The following SORCS2 variants were observed in gnomAD, a reference collection of about 807,000 sequenced individuals.
SORCS2 encodes the protein VPS10 domain-containing receptor SorCS2.
In SORCS2, 100 loss-of-function variants were observed where a neutral mutation model predicts 141.6. That is an observed-to-expected ratio of 0.71 (90% CI 0.60 to 0.83). SORCS2 has a LOEUF of 0.83. Ranked by LOEUF, SORCS2 falls within the 40% of genes least tolerant of loss-of-function variation. The pLI, the probability that SORCS2 is intolerant of heterozygous loss-of-function variation, is 0.00. For missense variants in SORCS2, 1,646 were observed against 1,560.2 expected (o/e 1.05, Z -0.93); for synonymous variants, 789 against 676.9 (o/e 1.17, Z -2.57).
chr4:7,374,525 G>A (rs941959873), intron 1 of SORCS2, among the ~76,000 whole-genome samples: 6 of 152,276 alleles, frequency 3.9e-5, no homozygotes, highest in Admixed American at 6.5e-5. Flanking sequence ...TTGCTTTTCC[G>A]GGTGCAGTGG....
intron 11 of SORCS2, among the ~76,000 whole-genome samples, chr4:7,695,940 G>GTGGGTGGA (rs1724679984): frequency 5.6e-5 from 5 of 88,524 alleles, no homozygotes; most frequent in Admixed American, 1.1e-4. Flanking sequence ...GGGTGGGTGG[G>GTGGGTGGA]TGGATGGATG....
intron 2 of SORCS2, among the ~76,000 whole-genome samples, chr4:7,517,001 G>A (rs6851139): frequency 0.014 from 2,101 of 152,266 alleles, 56 homozygotes; most frequent in African/African-American, 0.048. Flanking sequence ...CCTCCGGCTG[G>A]GTGTTGAAGG....
intron 7 of SORCS2, among the ~76,000 whole-genome samples, chr4:7,665,516 A>G (rs547413673): frequency 4.6e-5 from 7 of 152,060 alleles, no homozygotes; most frequent in East Asian, 1.9e-4. Flanking sequence ...CAAAGACTCA[A>G]TCATGCACTT....
At chr4:7,483,240 G>A (rs7667521) in intron 2 of SORCS2, among the ~76,000 whole-genome samples, 18,409 of 150,334 alleles carry the variant, frequency 0.12, 1,568 homozygotes, top group African/African-American at 0.25. Context: ...GGAGGATGGC[G>A]TGAACCCGGG....
At chr4:7,434,917 G>T (rs1344116698) in intron 2 of SORCS2, 5 of 1,493,844 alleles carry the variant, frequency 3.3e-6, no homozygotes, top group Non-Finnish European at 4.5e-6. Flanking sequence ...GTACCCAGCA[G>T]TGGCTGCTGC....
chr4:7,456,705 C>T (rs1307198506), intron 2 of SORCS2, among the ~76,000 whole-genome samples: 1 of 152,190 alleles, frequency 6.6e-6, no homozygotes, highest in Non-Finnish European at 1.5e-5. Context: ...GAGATCTGAA[C>T]AGAGGGAACT....
intron 3 of SORCS2, among the ~76,000 whole-genome samples, chr4:7,571,672 G>A (rs1047320277): frequency 6.6e-6 from 1 of 152,040 alleles, no homozygotes; most frequent in African/African-American, 2.4e-5. Flanking sequence ...GAGAGGGAGG[G>A]AGCCCGAAGA....
chr4:7,429,276 T>C (rs1726665555), intron 2 of SORCS2, among the ~76,000 whole-genome samples: 1 of 152,126 alleles, frequency 6.6e-6, no homozygotes, highest in Non-Finnish European at 1.5e-5. Context: ...CCACCCCAGC[T>C]CCCCGGAGAT....
At chr4:7,523,503 A>G (rs1577694040) in intron 2 of SORCS2, among the ~76,000 whole-genome samples, 1 of 152,040 alleles carries the variant, frequency 6.6e-6, no homozygotes, top group East Asian at 1.9e-4. Context: ...AGGAGGGGGT[A>G]GTACTGGGTT....
intron 2 of SORCS2, among the ~76,000 whole-genome samples, chr4:7,483,375 G>C (rs1440658867): frequency 6.6e-6 from 1 of 151,546 alleles, no homozygotes; most frequent in Non-Finnish European, 1.5e-5. Context: ...CGGATGAAGT[G>C]GGCAGAGAGT....
intron 1 of SORCS2, among the ~76,000 whole-genome samples, chr4:7,227,785 A>G (rs1711529271): frequency 6.6e-6 from 1 of 152,150 alleles, no homozygotes; most frequent in African/African-American, 2.4e-5. Context: ...GAGCGGCTAA[A>G]CGCAGTTTTG....
At chr4:7,733,256 C>A (rs1278792896) in intron 23 of SORCS2, 66 bp from the exon 24 acceptor site, 60 of 1,256,006 alleles carry the variant, frequency 4.8e-5, no homozygotes, top group Non-Finnish European at 6.2e-5. Context: ...AGGACCCCAT[C>A]CCCCTTCCCT....
intron 20 of SORCS2, 89 bp downstream of exon 20, chr4:7,725,376 G>T: frequency 6.7e-7 from 1 of 1,494,514 alleles, no homozygotes; most frequent in Non-Finnish European, 8.9e-7. Context: ...CAGGTTTTCA[G>T]CAGAAGGAAC....
chr4:7,424,426 C>T (rs964904336), intron 2 of SORCS2, among the ~76,000 whole-genome samples: 1 of 152,232 alleles, frequency 6.6e-6, no homozygotes, highest in African/African-American at 2.4e-5. Context: ...GGCATCACTG[C>T]CTCTGTCCAC....
At chr4:7,234,529 G>A (rs1179253437) in intron 1 of SORCS2, among the ~76,000 whole-genome samples, 2 of 152,244 alleles carry the variant, frequency 1.3e-5, no homozygotes, top group African/African-American at 4.8e-5. Context: ...GGCCGACGTG[G>A]CCACATAGCC....
intron 2 of SORCS2, among the ~76,000 whole-genome samples, chr4:7,485,202 G>A (rs922712750): frequency 1.3e-5 from 2 of 152,164 alleles, no homozygotes; most frequent in African/African-American, 2.4e-5. Flanking sequence ...TGCAGCCTTC[G>A]GTCCCCAGAT....
intron 2 of SORCS2, among the ~76,000 whole-genome samples, chr4:7,476,798 G>C (rs1048420322): frequency 2.1e-4 from 32 of 152,114 alleles, no homozygotes; most frequent in African/African-American, 7.2e-4. Flanking sequence ...TTTTCTCCAC[G>C]ACTCTGGTCA....
At chr4:7,441,514 G>A (rs980145082) in intron 2 of SORCS2, among the ~76,000 whole-genome samples, 38 of 152,078 alleles carry the variant, frequency 2.5e-4, no homozygotes, top group East Asian at 7.7e-4. Flanking sequence ...GGCGCAGGCC[G>A]GCAGGAGAGG....
intron 3 of SORCS2, among the ~76,000 whole-genome samples, chr4:7,621,393 A>T (rs927359950): frequency 2.0e-5 from 3 of 148,626 alleles, no homozygotes; most frequent in Non-Finnish European, 4.5e-5. Flanking sequence ...GTGAGTGTTT[A>T]TGTGTGTGTC....
Sources: allele counts gnomAD v4.1 joint callset (sites outside exome capture counted in the v4.1 genomes callset), GRCh38; gene constraint gnomAD v4.1.1; transcripts MANE v1.5; gene names NCBI Gene and HGNC (gene_info 2026-07-23, HGNC 2026-07-21).